MAP3K3: variants seen among roughly 807,000 people sequenced by gnomAD.
MAP3K3 encodes mitogen-activated protein kinase kinase kinase 3, also known as MAP/ERK kinase kinase 3.
A neutral mutation model predicts 80.9 loss-of-function variants in MAP3K3; 12 were observed. That is an observed-to-expected ratio of 0.15 (90% CI 0.10 to 0.24). The LOEUF (loss-of-function observed/expected upper bound fraction) is 0.24, where lower values mean the gene tolerates loss of function less well. Ranked by LOEUF, MAP3K3 falls within the 10% of genes least tolerant of loss-of-function variation. The pLI is 1.00. For synonymous variants in MAP3K3, 272 were observed against 307.1 expected, an observed-to-expected ratio of 0.89 and a Z score of 1.19; for missense variants, 596 against 834.7, an observed-to-expected ratio of 0.71 and a Z score of 3.52.
chr17:63,674,931 C>T (rs1392595395), intron 6 of MAP3K3, among the ~76,000 whole-genome samples: 1 of 152,148 alleles, frequency 6.6e-6, no homozygotes, highest in Non-Finnish European at 1.5e-5. Context: ...AAACAGAGAG[C>T]AGTGCTCAGG....
Position 63,693,919 on chromosome 17 carries a change from C to T in MAP3K3, c.*142C>T. The T allele has an allele frequency of 1.5e-6, 1 of 670,842 alleles. No individual in the cohort carries two copies. Among genetic ancestry groups the T allele is most frequent in the Non-Finnish European group, 2.4e-6 (1 of 417,978 alleles). 41.6% of individuals were successfully genotyped at this position (670,842 alleles called of 1,614,324 possible). ...CAGCCAGCGTCGGTCTGTGCCCCTTCCGCCACTGGGGCTCAGAGCCGGGGT... is the reference window on the plus strand; with the variant it reads ...CAGCCAGCGTCGGTCTGTGCCCCTTTCGCCACTGGGGCTCAGAGCCGGGGT... On this transcript the variant is annotated 3_prime_UTR_variant, in exon 16 of 16. Transcript: ENST00000361733. The surrounding 1 kb of genome is among the most constrained non-coding windows in gnomAD (Gnocchi z 4.2).
chr17:63,634,784 G>T (rs1420025816), intron 2 of MAP3K3: 1 of 1,613,908 alleles, frequency 6.2e-7, no homozygotes, highest in Admixed American at 1.7e-5. Flanking sequence ...AGGGGCCAGT[G>T]AGAAAAAGAA....
At chr17:63,631,246 C>G (rs2034209621) in intron 1 of MAP3K3, among the ~76,000 whole-genome samples, 1 of 152,128 alleles carries the variant, frequency 6.6e-6, no homozygotes, top group African/African-American at 2.4e-5. Flanking sequence ...TGTGATTGCA[C>G]CACTGCACTC....
intron 2 of MAP3K3, among the ~76,000 whole-genome samples, chr17:63,645,516 G>T (rs2034524444): frequency 6.6e-6 from 1 of 152,190 alleles, no homozygotes; most frequent in Admixed American, 6.5e-5. Flanking sequence ...TATGTGTCAG[G>T]TATTTTACTT....
chr17:63,694,028 A>G lies in MAP3K3; in HGVS notation c.*251A>G, dbSNP rs1172249802. The stretch of plus-strand genomic sequence containing the variant: ...TGTCCTGAGCTCAGCGTGGAGGGGT[A>G]GGGGCTGGGAACAGTGTGCAAGGCA... On this transcript the variant is annotated 3_prime_UTR_variant, in exon 16 of 16. Transcript: ENST00000361733. 6 of 463,980 alleles carry G rather than the reference A, an allele frequency of 1.3e-5. No individual in the cohort carries two copies. The highest frequency in any genetic ancestry group is 2.3e-5 in the Non-Finnish European group (6 of 262,274). The allele number at this position is 463,980 out of a possible 1,614,324, so 28.7% of individuals were successfully genotyped here. A position where few individuals can be genotyped will look rare whatever the true frequency, so the allele number is the denominator to read the frequency against.
At chr17:63,635,897 A>G (rs2034313340) in intron 2 of MAP3K3, among the ~76,000 whole-genome samples, 1 of 152,252 alleles carries the variant, frequency 6.6e-6, no homozygotes, top group South Asian at 2.1e-4. Context: ...ATTGGATTAC[A>G]GATTCAAATT....
intron 5 of MAP3K3, among the ~76,000 whole-genome samples, chr17:63,666,210 A>G (rs535383549): frequency 7.2e-5 from 11 of 152,292 alleles, no homozygotes; most frequent in South Asian, 6.2e-4. Context: ...GTCTGGCACA[A>G]TGGTACTTAT....
At chr17:63,643,074 G>GAA (rs111874184) in intron 2 of MAP3K3, among the ~76,000 whole-genome samples, 1 of 122,210 alleles carries the variant, frequency 8.2e-6, no homozygotes. Flanking sequence ...TTCTAAAAAT[G>GAA]AAAAAAAAAA....
rs74865770 is a variant in MAP3K3 at position 63,631,952 on chromosome 17, C to T, written c.5-729C>T. Among the ~76,000 whole-genome samples, 12 of 152,288 alleles carry T rather than the reference C, an allele frequency of 7.9e-5. No individual in the cohort carries two copies. The East Asian group carries it at 2.3e-3, about 29-fold the overall frequency. On this transcript the variant is annotated intron_variant, in intron 1 of 15. Transcript: ENST00000361733. Reference sequence around the variant, plus strand: ...TTTGGTACCTTTTAAAGTGTGCTCTCCTCCTTATGATGCTTTAAGAATAAG... The same window carrying T: ...TTTGGTACCTTTTAAAGTGTGCTCTTCTCCTTATGATGCTTTAAGAATAAG...
At position 63,689,475 on chromosome 17, in the gene MAP3K3, C is replaced by G; in HGVS notation, c.872-69C>G. 2 of 1,409,658 alleles carry G rather than the reference C, an allele frequency of 1.4e-6. No homozygotes were observed. Among genetic ancestry groups the G allele is most frequent in the South Asian group, 2.7e-5 (2 of 75,010 alleles). 87.3% of individuals were successfully genotyped at this position (1,409,658 alleles called of 1,614,324 possible). A position where few individuals can be genotyped will look rare whatever the true frequency, so the allele number is the denominator to read the frequency against. The stretch of plus-strand genomic sequence containing the variant: ...CCTTGTAGCCCGGGGTGTCTCAGAC[C>G]TGGTTTGTACGTTCCGCCTCGTAGC... On this transcript the variant is annotated intron_variant, in intron 10 of 15. Transcript: ENST00000361733. This position sits in a 1 kb window ranked among gnomAD's most constrained non-coding sequence, Gnocchi z 4.3.
At chr17:63,663,332 G>A (rs2034933723) in intron 5 of MAP3K3, among the ~76,000 whole-genome samples, 1 of 151,892 alleles carries the variant, frequency 6.6e-6, no homozygotes, top group Non-Finnish European at 1.5e-5. Flanking sequence ...GTGAAACCCT[G>A]TCTCTACTGA....
chr17:63,687,517 G>GA (rs749057766), intron 8 of MAP3K3, among the ~76,000 whole-genome samples: 136 of 102,260 alleles, frequency 1.3e-3, no homozygotes, highest in Middle Eastern at 5.6e-3. Context: ...GTCTCAAAAA[G>GA]AAAAAAAAAA....
chr17:63,688,734 T>G, intron 9 of MAP3K3, 55 bp from the exon 10 acceptor site: 1 of 1,442,804 alleles, frequency 6.9e-7, no homozygotes, highest in Non-Finnish European at 9.8e-7. Context: ...ACTTGGGGGC[T>G]TAAGTGGCTC....
chr17:63,687,921 G>A (rs1028194995), intron 8 of MAP3K3, among the ~76,000 whole-genome samples: 1 of 151,480 alleles, frequency 6.6e-6, no homozygotes, highest in Admixed American at 6.6e-5. Context: ...GCAGCAGAGC[G>A]AGACTCCATC....
chr17:63,622,924 C>T (rs1246804503), intron 1 of MAP3K3, among the ~76,000 whole-genome samples, 161 bp downstream of exon 1: 2 of 145,462 alleles, frequency 1.4e-5, no homozygotes, highest in Non-Finnish European at 3.1e-5. Context: ...CCCGCTCGCG[C>T]GCCGCGGCCC....
chr17:63,651,344 A>G (rs1193437437), intron 3 of MAP3K3, among the ~76,000 whole-genome samples: 1 of 152,136 alleles, frequency 6.6e-6, no homozygotes, highest in Non-Finnish European at 1.5e-5. Context: ...TAGTCGGTGC[A>G]TGCCAGTAGT....
Position 63,694,027 on chromosome 17 carries a change from T to A in MAP3K3, c.*250T>A. The stretch of plus-strand genomic sequence containing the variant: ...GTGTCCTGAGCTCAGCGTGGAGGGG[T>A]AGGGGCTGGGAACAGTGTGCAAGGC... On this transcript the variant is annotated 3_prime_UTR_variant, in exon 16 of 16. Transcript: ENST00000361733. 1 of 465,898 alleles carries A rather than the reference T, an allele frequency of 2.1e-6. No homozygotes were observed. The highest frequency in any genetic ancestry group is 3.8e-6 in the Non-Finnish European group (1 of 263,314). The allele number at this position is 465,898 out of a possible 1,614,324, so 28.9% of individuals were successfully genotyped here.
intron 2 of MAP3K3, among the ~76,000 whole-genome samples, chr17:63,639,205 C>A (rs2034393864): frequency 6.6e-6 from 1 of 151,974 alleles, no homozygotes; most frequent in African/African-American, 2.4e-5. Context: ...GCCAGAGGAG[C>A]TATGGAGTCA....
chr17:63,637,560 G>A (rs1268568525), intron 2 of MAP3K3, among the ~76,000 whole-genome samples: 2 of 152,220 alleles, frequency 1.3e-5, no homozygotes, highest in Non-Finnish European at 2.9e-5. Context: ...CAAATGTGAA[G>A]TTGCAGTGGT....
Sources: gnomAD v4.1 joint callset for allele counts (sites outside exome capture counted in the v4.1 genomes callset) on GRCh38, gnomAD v4.1.1 for gene constraint, Gnocchi (gnomAD v3.1) non-coding constraint, MANE v1.5 for transcripts, NCBI Gene and HGNC (gene_info 2026-07-23, HGNC 2026-07-21) for gene names.